MACROD2: variants seen among roughly 807,000 people sequenced by gnomAD.
MACROD2 encodes the protein mono-ADP ribosylhydrolase 2, also known as ADP-ribose glycohydrolase MACROD2.
Under a neutral mutation model 70.4 loss-of-function variants are expected in MACROD2, and 36 were observed. That is an observed-to-expected ratio of 0.51 (90% CI 0.39 to 0.68). The LOEUF is 0.68. Ranked by LOEUF, MACROD2 falls within the 30% of genes least tolerant of loss-of-function variation. The pLI, the probability that MACROD2 is intolerant of heterozygous loss-of-function variation, is 0.00. For synonymous variants in MACROD2, 172 were observed against 178.8 expected (o/e 0.96, Z 0.30); for missense variants, 496 against 538.4 (o/e 0.92, Z 0.78).
chr20:15,730,093 G>T (rs1490264256), intron 8 of MACROD2, among the ~76,000 whole-genome samples: 3 of 152,074 alleles, frequency 2.0e-5, no homozygotes, highest in Non-Finnish European at 4.4e-5. Context: ...CTCCCAAAGT[G>T]TTGGGATTAC....
intron 3 of MACROD2, among the ~76,000 whole-genome samples, chr20:14,146,400 G>A (rs1428338089): frequency 6.6e-6 from 1 of 152,156 alleles, no homozygotes; most frequent in East Asian, 1.9e-4. Context: ...GATAAGCTGA[G>A]TGCAAACTGT....
chr20:15,708,940 C>T (rs1336361976), intron 8 of MACROD2, among the ~76,000 whole-genome samples: 5 of 152,090 alleles, frequency 3.3e-5, no homozygotes, highest in Non-Finnish European at 7.4e-5. Context: ...ATGGGAGGAT[C>T]TTTTGAGCCT....
intron 8 of MACROD2, among the ~76,000 whole-genome samples, chr20:15,832,128 T>A (rs1427736171): frequency 7.2e-6 from 1 of 139,568 alleles, no homozygotes; most frequent in Non-Finnish European, 1.5e-5. Context: ...GTTCCAATAC[T>A]GAGAATATGG....
At chr20:14,649,876 G>C (rs549058875) in intron 4 of MACROD2, among the ~76,000 whole-genome samples, 10 of 152,240 alleles carry the variant, frequency 6.6e-5, no homozygotes, top group African/African-American at 1.7e-4. Context: ...GCTGGGTGGG[G>C]CTGAGCCTAC....
chr20:14,482,897 T>C (rs1277760471), intron 3 of MACROD2, among the ~76,000 whole-genome samples: 1 of 152,226 alleles, frequency 6.6e-6, no homozygotes, highest in Non-Finnish European at 1.5e-5. Context: ...TAACATTACA[T>C]GGCTTCAAAT....
At chr20:15,038,902 T>C (rs967314094) in intron 5 of MACROD2, among the ~76,000 whole-genome samples, 2 of 152,162 alleles carry the variant, frequency 1.3e-5, no homozygotes, top group African/African-American at 4.8e-5. Context: ...GTCACACAAA[T>C]ATACCGGCAA....
At chr20:14,710,449 G>A (rs1170842122) in intron 5 of MACROD2, among the ~76,000 whole-genome samples, 1 of 152,152 alleles carries the variant, frequency 6.6e-6, no homozygotes, top group Non-Finnish European at 1.5e-5. Context: ...GTAAATATTT[G>A]GTTTACAGTT....
intron 5 of MACROD2, among the ~76,000 whole-genome samples, chr20:14,832,393 G>C (rs986979329): frequency 1.3e-5 from 2 of 151,940 alleles, no homozygotes; most frequent in African/African-American, 4.8e-5. Context: ...GGATGGGAAG[G>C]AGGGAGGTAC....
intron 5 of MACROD2, among the ~76,000 whole-genome samples, chr20:14,727,322 G>A (rs2071541690): frequency 6.6e-6 from 1 of 152,100 alleles, no homozygotes; most frequent in Admixed American, 6.6e-5. Context: ...CTTGAGCCCA[G>A]GAGTCCAACA....
intron 5 of MACROD2, among the ~76,000 whole-genome samples, chr20:14,956,797 T>C (rs575504147): frequency 1.4e-4 from 22 of 152,226 alleles, no homozygotes; most frequent in African/African-American, 5.1e-4. Context: ...TAGGGGGCAG[T>C]TGGAGATGTT....
intron 9 of MACROD2, among the ~76,000 whole-genome samples, chr20:15,880,583 G>A (rs929364437): frequency 1.3e-5 from 2 of 152,016 alleles, no homozygotes; most frequent in African/African-American, 4.8e-5. Context: ...CCCAGTAGGA[G>A]TGAGGAGACT....
In MACROD2 at chr20:14,646,609, G is replaced by A. The variant is rs748873688; in HGVS notation, c.302-38234G>A. Reference sequence around the variant, plus strand: ...TAGTAAAAAAATTGGTCTTTCTTCTGATAATGTTAGAGTGGGTTTTTGTTT... The same window carrying A: ...TAGTAAAAAAATTGGTCTTTCTTCTAATAATGTTAGAGTGGGTTTTTGTTT... On this transcript the variant is annotated intron_variant, in intron 4 of 17. Transcript: ENST00000684519. 1.4e-4 allele frequency among the ~76,000 whole-genome samples: 22 copies of A among 152,030 alleles called. No individual in the cohort carries two copies. The South Asian group carries it at 2.1e-3, about 14-fold the overall frequency.
rs1032191754 is a variant in MACROD2, at chr20:14,987,520, A to G, written c.419-242420A>G. Among the ~76,000 whole-genome samples the G allele has an allele frequency of 2.6e-5, 4 of 152,182 alleles. No individual in the cohort carries two copies. In the East Asian group the frequency reaches 5.8e-4, roughly 22 times the overall value. ...TACAGTATTTTAAAGTCACAAATCCAGAGGCTTTTAAGAATAAGTTACAAG... is the reference window on the plus strand; with the variant it reads ...TACAGTATTTTAAAGTCACAAATCCGGAGGCTTTTAAGAATAAGTTACAAG... On this transcript the variant is annotated intron_variant, in intron 5 of 17. Transcript: ENST00000684519.
chr20:15,261,627 TG>T (rs1486105117), intron 6 of MACROD2, among the ~76,000 whole-genome samples: 1 of 152,054 alleles, frequency 6.6e-6, no homozygotes, highest in East Asian at 1.9e-4. Flanking sequence ...GCAAGACTGA[TG>T]CTTTTTGAAG....
chr20:14,202,214 C>T (rs996602568), intron 3 of MACROD2, among the ~76,000 whole-genome samples: 9 of 152,076 alleles, frequency 5.9e-5, no homozygotes, highest in Non-Finnish European at 1.0e-4. Context: ...AAGGCTTTTT[C>T]TTTTCTTCAC....
intron 2 of MACROD2, among the ~76,000 whole-genome samples, chr20:14,007,265 C>A (rs1008259397): frequency 3.3e-5 from 5 of 152,134 alleles, no homozygotes; most frequent in African/African-American, 1.2e-4. Context: ...TGCCATATTT[C>A]CCTTATTTAC....
At chr20:15,211,014 T>C (rs919445750) in intron 5 of MACROD2, among the ~76,000 whole-genome samples, 2 of 152,138 alleles carry the variant, frequency 1.3e-5, no homozygotes, top group Admixed American at 1.3e-4. Flanking sequence ...ATTCACAGAG[T>C]TGTACAACTG....
chr20:14,926,345 C>G (rs956524802), intron 5 of MACROD2, among the ~76,000 whole-genome samples: 6 of 151,926 alleles, frequency 3.9e-5, no homozygotes, highest in Non-Finnish European at 8.8e-5. Context: ...GTCAAGAGAT[C>G]AAGACCATCC....
chr20:14,326,530 T>C lies in MACROD2; in HGVS notation c.272-166949T>C. ...GCACATGAGCCCACGCACGTTGACC[T>C]TCACAGGTAGTGATTGTAACCAGTC... On this transcript the variant is annotated intron_variant, in intron 3 of 17. Transcript: ENST00000684519. The surrounding 1 kb of genome is among the most constrained non-coding windows in gnomAD (Gnocchi z 5.5). 1 of 1,613,900 alleles carries C rather than the reference T, an allele frequency of 6.2e-7. No individual in the cohort carries two copies. The highest frequency in any genetic ancestry group is 1.1e-5 in the South Asian group (1 of 91,088).
Sources: allele counts gnomAD v4.1 joint callset (sites outside exome capture counted in the v4.1 genomes callset), GRCh38; gene constraint gnomAD v4.1.1; non-coding constraint Gnocchi (gnomAD v3.1); transcripts MANE v1.5; gene names NCBI Gene and HGNC (gene_info 2026-07-23, HGNC 2026-07-21).